Variants in CDH18 observed in about 807,000 individuals in gnomAD.
CDH18 encodes cadherin-18.
In CDH18, 31 loss-of-function variants were observed where a neutral mutation model predicts 67.9. The ratio of observed to expected loss-of-function variants is 0.46; its 90% CI spans 0.34 to 0.62. The LOEUF (loss-of-function observed/expected upper bound fraction) is 0.62, where lower values mean the gene tolerates loss of function less well. CDH18 is among the 20% of genes least tolerant of loss of function. The pLI, the probability that CDH18 is intolerant of heterozygous loss-of-function variation, is 0.01. For missense variants in CDH18, 890 were observed against 975.5 expected, an observed-to-expected ratio of 0.91 and a Z score of 1.17; for synonymous variants, 362 against 347.2, an observed-to-expected ratio of 1.04 and a Z score of -0.48.
chr5:20,225,862 G>GA (rs1464463894), intron 2 of CDH18, among the ~76,000 whole-genome samples: 1 of 152,074 alleles, frequency 6.6e-6, no homozygotes, highest in Non-Finnish European at 1.5e-5. Flanking sequence ...GAGGGGATTT[G>GA]AAAATATCTG....
intron 1 of CDH18, among the ~76,000 whole-genome samples, chr5:20,441,240 C>A (rs1000400402): frequency 6.6e-6 from 1 of 151,772 alleles, no homozygotes; most frequent in Non-Finnish European, 1.5e-5. Flanking sequence ...CAGTTACAGT[C>A]ATTTATGTGG....
At chr5:20,565,965 A>G (rs1758480489) in intron 1 of CDH18, among the ~76,000 whole-genome samples, 1 of 152,110 alleles carries the variant, frequency 6.6e-6, no homozygotes, top group Admixed American at 6.6e-5. Context: ...TAATTCTCTT[A>G]AAATCTAGTA....
intron 2 of CDH18, among the ~76,000 whole-genome samples, chr5:20,067,819 A>G (rs1743116779): frequency 6.6e-6 from 1 of 152,098 alleles, no homozygotes; most frequent in African/African-American, 2.4e-5. Context: ...TTCCTAAGGA[A>G]AGAAGAAATG....
chr5:19,845,410 G>T (rs554110325), intron 2 of CDH18, among the ~76,000 whole-genome samples: 1 of 152,184 alleles, frequency 6.6e-6, no homozygotes, highest in Non-Finnish European at 1.5e-5. Context: ...TGAATTTGTA[G>T]ACTTGTTTTG....
chr5:19,759,777 C>T (rs947025048), intron 3 of CDH18, among the ~76,000 whole-genome samples: 4 of 152,060 alleles, frequency 2.6e-5, no homozygotes, highest in African/African-American at 9.7e-5. Flanking sequence ...ATATTCACTC[C>T]ATAAATTGTC....
intron 2 of CDH18, among the ~76,000 whole-genome samples, chr5:20,173,846 T>A (rs1362157015): frequency 6.6e-6 from 1 of 152,166 alleles, no homozygotes; most frequent in Non-Finnish European, 1.5e-5. Flanking sequence ...TTTATCACTA[T>A]TGAATTTAGA....
chr5:19,852,027 G>A (rs189457124), intron 2 of CDH18, among the ~76,000 whole-genome samples: 7 of 152,074 alleles, frequency 4.6e-5, no homozygotes, highest in African/African-American at 1.7e-4. Flanking sequence ...GAATAAAATG[G>A]ATTATTTGCA....
rs566473979 is a variant in CDH18 at position 20,184,806 on chromosome 5, A to G, written c.-518+70638T>C. Among the ~76,000 whole-genome samples, 5 of 152,226 alleles carry G rather than the reference A, an allele frequency of 3.3e-5. No homozygotes were observed. The South Asian group carries it at 1.0e-3, about 32-fold the overall frequency. ...TGAGAAAAAGGGACTGTGTGTTCTA[A>G]TGCAAGAGGCACTGTCTAGGACCAG... On this transcript the variant is annotated intron_variant, in intron 2 of 14. Transcript: ENST00000507958.
At position 19,473,104 on chromosome 5, in the gene CDH18, A is replaced by G; in HGVS notation, c.*122T>C. The G allele has an allele frequency of 8.7e-7, 1 of 1,143,960 alleles. No homozygotes were observed. The highest frequency in any genetic ancestry group is 1.2e-6 in the Non-Finnish European group (1 of 802,370). The allele number at this position is 1,143,960 out of a possible 1,614,324, so 70.9% of individuals were successfully genotyped here. ...TCATGAAAAGGGCACTTGTTTCTAC[A>G]GGAGCTGTGTCCAGCTTCCTCAGTT... On this transcript the variant is annotated 3_prime_UTR_variant, in exon 13 of 13. Coordinates refer to ENST00000382275, the MANE Select transcript of CDH18 (RefSeq NM_004934.5).
intron 1 of CDH18, among the ~76,000 whole-genome samples, chr5:20,267,708 T>C (rs967262172): frequency 1.3e-5 from 2 of 152,196 alleles, no homozygotes; most frequent in African/African-American, 2.4e-5. Flanking sequence ...TATATCATCA[T>C]TGGTGTTTAG....
At chr5:20,116,071 A>G (rs1421972518) in intron 2 of CDH18, among the ~76,000 whole-genome samples, 6 of 152,168 alleles carry the variant, frequency 3.9e-5, no homozygotes, top group Non-Finnish European at 5.9e-5. Flanking sequence ...TCTTTCTTAG[A>G]AGAGAAAATG....
At chr5:20,361,704 T>C (rs1253176302) in intron 1 of CDH18, among the ~76,000 whole-genome samples, 1 of 152,150 alleles carries the variant, frequency 6.6e-6, no homozygotes, top group Non-Finnish European at 1.5e-5. Context: ...ATATTTGGTT[T>C]CTTAATACTG....
intron 2 of CDH18, among the ~76,000 whole-genome samples, chr5:20,099,729 C>T (rs1201422075): frequency 6.6e-6 from 1 of 152,074 alleles, no homozygotes; most frequent in East Asian, 1.9e-4. Flanking sequence ...CTGAGTGTGT[C>T]TATTAGACAG....
intron 1 of CDH18, among the ~76,000 whole-genome samples, chr5:20,379,357 A>G (rs1450949125): frequency 6.6e-6 from 1 of 152,198 alleles, no homozygotes; most frequent in African/African-American, 2.4e-5. Context: ...TTTTACATAC[A>G]ATCATACTTA....
rs1383018080 is a variant in CDH18, at chr5:19,932,134, A to G, written c.-257+48926T>C. On this transcript the variant is annotated intron_variant, in intron 2 of 12. Transcript: ENST00000382275. ...CCAATGAGAATGAACTGTAGATTCCATATGTGGCATATGGGATATCTTATA... is the reference window on the plus strand; with the variant it reads ...CCAATGAGAATGAACTGTAGATTCCGTATGTGGCATATGGGATATCTTATA... Among the ~76,000 whole-genome samples, 3 of 151,978 alleles carry G rather than the reference A, an allele frequency of 2.0e-5. No homozygotes were observed. In the South Asian group the frequency reaches 6.2e-4, roughly 32 times the overall value.
At chr5:20,057,139 G>A (rs1375233449) in intron 2 of CDH18, among the ~76,000 whole-genome samples, 1 of 152,062 alleles carries the variant, frequency 6.6e-6, no homozygotes, top group African/African-American at 2.4e-5. Flanking sequence ...TATTCCCAGT[G>A]TTTAGAATTA....
rs546888256 is a variant in CDH18 at position 19,628,609 on chromosome 5, A to G, written c.644-16008T>C. Among the ~76,000 whole-genome samples, 8 of 152,224 alleles carry G rather than the reference A, an allele frequency of 5.3e-5. No individual in the cohort carries two copies. The South Asian group carries it at 1.7e-3, about 32-fold the overall frequency. The stretch of plus-strand genomic sequence containing the variant: ...TGATCCAAAGTGTTTGACCTAGAAT[A>G]CAGAAAACTGTGAGATGAACTGTTT... On this transcript the variant is annotated intron_variant, in intron 5 of 12. Coordinates refer to ENST00000382275, the MANE Select transcript of CDH18 (RefSeq NM_004934.5).
At chr5:20,172,210 ATATATATATATATG>A (rs1485988093) in intron 2 of CDH18, among the ~76,000 whole-genome samples, 4 of 67,468 alleles carry the variant, frequency 5.9e-5, no homozygotes, top group African/African-American at 2.1e-4. Flanking sequence ...ATATATATAT[ATATATATATATATG>A]TATATATATA....
intron 2 of CDH18, among the ~76,000 whole-genome samples, chr5:20,140,081 A>C (rs1415110689): frequency 6.6e-6 from 1 of 152,190 alleles, no homozygotes; most frequent in East Asian, 1.9e-4. Flanking sequence ...ATGTCCATTA[A>C]TGATAGACTG....
Sources: allele counts gnomAD v4.1 joint callset (sites outside exome capture counted in the v4.1 genomes callset), GRCh38; gene constraint gnomAD v4.1.1; transcripts MANE v1.5; gene names NCBI Gene and HGNC (gene_info 2026-07-23, HGNC 2026-07-21).